The following PRKN variants were observed in gnomAD, a reference collection of about 807,000 sequenced individuals.
PRKN encodes the protein parkin RBR E3 ubiquitin protein ligase, also known as E3 ubiquitin-protein ligase parkin.
A neutral mutation model predicts 59.5 loss-of-function variants in PRKN; 56 were observed. The ratio of observed to expected loss-of-function variants is 0.94; its 90% CI spans 0.76 to 1.18. The LOEUF (loss-of-function observed/expected upper bound fraction) is 1.18, where lower values mean the gene tolerates loss of function less well. Among genes scored for constraint, PRKN ranks in the 50% most tolerant of loss-of-function variants. The pLI is 0.00. For missense variants in PRKN, 657 were observed against 596.4 expected, an observed-to-expected ratio of 1.10 and a Z score of -1.06; for synonymous variants, 250 against 222.1, an observed-to-expected ratio of 1.13 and a Z score of -1.12.
chr6:162,168,783 G>A (rs532385256), intron 4 of PRKN, among the ~76,000 whole-genome samples: 1 of 152,232 alleles, frequency 6.6e-6, no homozygotes, highest in Admixed American at 6.5e-5. Flanking sequence ...AGAAGGAACA[G>A]AGGTTTGTGA....
intron 5 of PRKN, among the ~76,000 whole-genome samples, chr6:161,982,075 T>C (rs528358376): frequency 2.6e-5 from 4 of 152,182 alleles, no homozygotes; most frequent in Non-Finnish European, 5.9e-5. Flanking sequence ...ATCCGCCCCT[T>C]CTCTGCCTGA....
intron 7 of PRKN, among the ~76,000 whole-genome samples, chr6:161,727,610 T>A (rs115249715): frequency 3.5e-4 from 54 of 152,332 alleles, no homozygotes; most frequent in African/African-American, 1.3e-3. Context: ...CTTGCTGTGA[T>A]CATCCTGTGT....
rs998472480 is a variant in PRKN at position 161,451,424 on chromosome 6, C to T, written c.1084-64547G>A. 6.6e-6 allele frequency among the ~76,000 whole-genome samples: 1 copy of T among 152,084 alleles called. No individual in the cohort carries two copies. The highest frequency in any genetic ancestry group is 6.5e-5 in the Admixed American group (1 of 15,274). Reference sequence around the variant, plus strand: ...TTAGCATAGGCAGAGTACTGAGAAGCCTTCCTTGTGCCTGTCACTACACTT... The same window carrying T: ...TTAGCATAGGCAGAGTACTGAGAAGTCTTCCTTGTGCCTGTCACTACACTT... On this transcript the variant is annotated intron_variant, in intron 9 of 11. Transcript: ENST00000366898. This position sits in a 1 kb window ranked among gnomAD's most constrained non-coding sequence, Gnocchi z 5.9.
intron 7 of PRKN, among the ~76,000 whole-genome samples, chr6:161,779,184 C>A (rs1790081709): frequency 6.6e-6 from 1 of 151,980 alleles, no homozygotes; most frequent in Non-Finnish European, 1.5e-5. Flanking sequence ...AGGTGATTCG[C>A]CCACCTTGGC....
rs568693199 is a variant in PRKN, at chr6:161,677,525, C to A, written c.872-108109G>T. Reference sequence around the variant, plus strand: ...CTGTGAAGTGGTAGCACGAAGCCAGCACTGCTGTGACCTCCCAATGAGGTA... The same window carrying A: ...CTGTGAAGTGGTAGCACGAAGCCAGAACTGCTGTGACCTCCCAATGAGGTA... On this transcript the variant is annotated intron_variant, in intron 7 of 11. Transcript: ENST00000366898. Among the ~76,000 whole-genome samples, 3 of 152,348 alleles carry A rather than the reference C, an allele frequency of 2.0e-5. No individual in the cohort carries two copies. The South Asian group carries it at 6.2e-4, about 32-fold the overall frequency.
At chr6:161,989,918 T>C (rs1781579551) in intron 5 of PRKN, among the ~76,000 whole-genome samples, 3 of 152,162 alleles carry the variant, frequency 2.0e-5, no homozygotes, top group Admixed American at 2.0e-4. Context: ...CTGCTGGCCA[T>C]CTACCCATAT....
At chr6:161,437,037 G>C (rs1788944536) in intron 9 of PRKN, among the ~76,000 whole-genome samples, 1 of 152,110 alleles carries the variant, frequency 6.6e-6, no homozygotes, top group South Asian at 2.1e-4. Context: ...CTCAGTGTAT[G>C]CTGAAATCAC....
chr6:162,566,713 GAACT>G (rs1780096508), intron 1 of PRKN, among the ~76,000 whole-genome samples: 1 of 152,084 alleles, frequency 6.6e-6, no homozygotes, highest in African/African-American at 2.4e-5. Flanking sequence ...ATTTAAAGAA[GAACT>G]AATACCAACC....
Position 162,609,064 on chromosome 6 carries a change from C to T in PRKN, c.7+118598G>A, listed in dbSNP as rs139360078. On this transcript the variant is annotated intron_variant, in intron 1 of 11. Coordinates refer to ENST00000366898, the MANE Select transcript of PRKN (RefSeq NM_004562.3). Reference sequence around the variant, plus strand: ...TTCTGCACCACCATCTCAGCTTCTTCACAAAGAGGACCAACTTCCAGATAG... The same window carrying T: ...TTCTGCACCACCATCTCAGCTTCTTTACAAAGAGGACCAACTTCCAGATAG... Among the ~76,000 whole-genome samples the T allele has an allele frequency of 1.4e-3, 208 of 152,278 alleles. 5 individuals are homozygous for T. The East Asian group carries it at 0.036, about 26-fold the overall frequency.
At chr6:161,425,839 T>C (rs1025035016) in intron 9 of PRKN, among the ~76,000 whole-genome samples, 2 of 152,164 alleles carry the variant, frequency 1.3e-5, no homozygotes, top group African/African-American at 4.8e-5. Flanking sequence ...ATTCCCCCCA[T>C]ATTCACACGG....
At chr6:161,878,935 G>GT (rs1195206829) in intron 6 of PRKN, among the ~76,000 whole-genome samples, 3 of 152,148 alleles carry the variant, frequency 2.0e-5, no homozygotes, top group Non-Finnish European at 4.4e-5. Flanking sequence ...CAAATTTGTT[G>GT]TATCAATTTA....
In PRKN at chr6:162,214,096, C is replaced by T. The variant is rs377265830; in HGVS notation, c.413-12844G>A. Among the ~76,000 whole-genome samples, 109 of 152,032 alleles carry T rather than the reference C, an allele frequency of 7.2e-4. 1 individual carries two copies. In the South Asian group the frequency reaches 0.02, roughly 28 times the overall value. ...TCTGGAGCTTGGTTCAGGTCTCAGA[C>T]GTACAGCATACACACACGAACACCA... On this transcript the variant is annotated intron_variant, in intron 3 of 11. Transcript: ENST00000366898.
chr6:162,459,934 G>A (rs576119019), intron 1 of PRKN, among the ~76,000 whole-genome samples: 105 of 152,300 alleles, frequency 6.9e-4, no homozygotes, highest in African/African-American at 2.3e-3. Flanking sequence ...AAATGCTACC[G>A]CCACTTTGGA....
rs554565348 is a variant in PRKN, at chr6:162,246,100, G to A, written c.412+16425C>T. 2.8e-4 allele frequency among the ~76,000 whole-genome samples: 43 copies of A among 152,182 alleles called. 1 individual carries two copies. Among genetic ancestry groups the A allele is most frequent in the African/African-American group, 8.4e-4 (35 of 41,520 alleles). Reference sequence around the variant, plus strand: ...GTAATTCACAAAAGCTGTTGCCTCCGTTGTGTGAAATGTTTCCCTGCTTGT... The same window carrying A: ...GTAATTCACAAAAGCTGTTGCCTCCATTGTGTGAAATGTTTCCCTGCTTGT... On this transcript the variant is annotated intron_variant, in intron 3 of 11. Transcript: ENST00000366898.
chr6:161,395,672 T>C lies in PRKN; in HGVS notation c.1084-8795A>G, dbSNP rs2114966528. ...GAATATCAAATACATCCCAGCACTT[T>C]TGCTAAGACCTTCTTTATACATGTT... On this transcript the variant is annotated intron_variant, in intron 9 of 11. Coordinates refer to ENST00000366898, the MANE Select transcript of PRKN (RefSeq NM_004562.3). This position sits in a 1 kb window ranked among gnomAD's most constrained non-coding sequence, Gnocchi z 5.0. 6.6e-6 allele frequency among the ~76,000 whole-genome samples: 1 copy of C among 152,328 alleles called. No homozygotes were observed. Among genetic ancestry groups the C allele is most frequent in the South Asian group, 2.1e-4 (1 of 4,830 alleles).
intron 8 of PRKN, among the ~76,000 whole-genome samples, chr6:161,565,844 A>G (rs1269997871): frequency 6.6e-6 from 1 of 151,904 alleles, no homozygotes; most frequent in East Asian, 1.9e-4. Flanking sequence ...ACCAGCAGAG[A>G]CCCTACGCAA....
At chr6:162,425,835 G>A (rs1394046417) in intron 2 of PRKN, among the ~76,000 whole-genome samples, 1 of 152,174 alleles carries the variant, frequency 6.6e-6, no homozygotes, top group Non-Finnish European at 1.5e-5. Flanking sequence ...GATGACACTG[G>A]TGTATATTTT....
At chr6:161,478,102 G>C (rs1791202941) in intron 9 of PRKN, among the ~76,000 whole-genome samples, 1 of 152,168 alleles carries the variant, frequency 6.6e-6, no homozygotes. Context: ...TCTCTTTCAA[G>C]ATTTGGGGCC....
At chr6:162,635,167 C>A (rs528379605) in intron 1 of PRKN, among the ~76,000 whole-genome samples, 1 of 152,140 alleles carries the variant, frequency 6.6e-6, no homozygotes, top group Admixed American at 6.5e-5. Flanking sequence ...CAACAGCTCA[C>A]GGGGTAACAG....
Sources: gnomAD v4.1 joint callset for allele counts (sites outside exome capture counted in the v4.1 genomes callset) on GRCh38, gnomAD v4.1.1 for gene constraint, Gnocchi (gnomAD v3.1) non-coding constraint, MANE v1.5 for transcripts, NCBI Gene and HGNC (gene_info 2026-07-23, HGNC 2026-07-21) for gene names.